Variants in CC2D2A observed in about 807,000 individuals in gnomAD.
CC2D2A encodes coiled-coil and C2 domain-containing protein 2A.
In CC2D2A, 155 loss-of-function variants were observed where a neutral mutation model predicts 212.9. The ratio of observed to expected loss-of-function variants is 0.73; its 90% CI spans 0.64 to 0.83. The LOEUF is 0.83. Ranked by LOEUF, CC2D2A falls within the 40% of genes least tolerant of loss-of-function variation. The probability of loss-of-function intolerance (pLI) is 0.00; values close to 1 mark genes in which losing one functional copy is unlikely to be tolerated. For missense variants in CC2D2A, 1,856 were observed against 1,956.2 expected (o/e 0.95, Z 0.97); for synonymous variants, 667 against 686.5 (o/e 0.97, Z 0.44).
At chr4:15,582,403 A>T (rs900058720) in intron 30 of CC2D2A, among the ~76,000 whole-genome samples, 5 of 152,152 alleles carry the variant, frequency 3.3e-5, no homozygotes, top group African/African-American at 4.8e-5. Flanking sequence ...AATGCAAAAG[A>T]TCAATGCAAC....
chr4:15,583,659 C>G (rs1034760678), intron 30 of CC2D2A, among the ~76,000 whole-genome samples: 7 of 152,076 alleles, frequency 4.6e-5, no homozygotes, highest in Non-Finnish European at 8.8e-5. Context: ...ATGAAAATTA[C>G]AAACACTGGG....
chr4:15,569,258 A>G (rs919878727), intron 26 of CC2D2A, 35 bp from the exon 27 acceptor site: 4 of 1,231,468 alleles, frequency 3.2e-6, no homozygotes, highest in East Asian at 2.5e-5. Flanking sequence ...TATGTTGCCT[A>G]TTTTCACAGT....
intron 8 of CC2D2A, among the ~76,000 whole-genome samples, chr4:15,512,367 A>T (rs1174110737): frequency 6.6e-6 from 1 of 152,252 alleles, no homozygotes; most frequent in Non-Finnish European, 1.5e-5. Context: ...AATATTATAC[A>T]ACCGCAGAAA....
chr4:15,477,823 G>A (rs1203935227), intron 2 of CC2D2A, among the ~76,000 whole-genome samples: 1 of 152,154 alleles, frequency 6.6e-6, no homozygotes, highest in African/African-American at 2.4e-5. Context: ...CCTAACCCCA[G>A]TGGCCAAGGG....
intron 4 of CC2D2A, among the ~76,000 whole-genome samples, chr4:15,492,343 A>G (rs1020537060): frequency 6.6e-6 from 1 of 152,142 alleles, no homozygotes; most frequent in Non-Finnish European, 1.5e-5. Flanking sequence ...AGAATATTGC[A>G]GTAGCCTCCT....
chr4:15,514,597 A>C (rs1053264626), intron 8 of CC2D2A, 110 bp from the exon 9 acceptor site: 1 of 835,038 alleles, frequency 1.2e-6, no homozygotes, highest in African/African-American at 1.7e-5. Context: ...AAAAAAGGAA[A>C]AGATAAAGTT....
In CC2D2A at chr4:15,541,095, T is replaced by G. The variant is rs186328964; in HGVS notation, c.2181+81T>G. 3.7e-5 allele frequency: 43 copies of G among 1,167,420 alleles called. No individual in the cohort carries two copies. The African/African-American group carries it at 5.6e-4, about 15-fold the overall frequency. The allele number at this position is 1,167,420 out of a possible 1,614,324, so 72.3% of individuals were successfully genotyped here. A position where few individuals can be genotyped will look rare whatever the true frequency, so the allele number is the denominator to read the frequency against. Reference sequence around the variant, plus strand: ...GGGAGGCCAAGGTGGGCAGATCACTTAAGGCCAGGAGTTCGAGACCAGCCT... The same window carrying G: ...GGGAGGCCAAGGTGGGCAGATCACTGAAGGCCAGGAGTTCGAGACCAGCCT... On this transcript the variant is annotated intron_variant, in intron 17 of 36. Coordinates refer to ENST00000424120, the MANE Select transcript of CC2D2A (RefSeq NM_001378615.1).
In CC2D2A at chr4:15,601,298, A is replaced by G. The variant is rs2148497426; in HGVS notation, c.4736A>G (p.Tyr1579Cys). Residue 1579 changes from tyrosine (Y) to cysteine (C), a missense_variant, in exon 37 of 37, where the codon TAT becomes TGT. This residue lies in a region of CC2D2A where 285 missense variants were observed against 278.4 expected (regional missense o/e 1.02). Transcript: ENST00000424120. ...SEVKPLIDAV[Y>C]STGVHNIDVP... ...GTGAAGCCTTTAATTGACGCTGTGTATAGTACTGGAGTACATAATATTGAT... is the reference window on the plus strand; with the variant it reads ...GTGAAGCCTTTAATTGACGCTGTGTGTAGTACTGGAGTACATAATATTGAT... The G allele has an allele frequency of 6.2e-7, 1 of 1,612,762 alleles. No individual in the cohort carries two copies. The highest frequency in any genetic ancestry group is 1.1e-5 in the South Asian group (1 of 90,934).
In CC2D2A at chr4:15,511,303, T is replaced by G; in HGVS notation, c.597T>G (p.Phe199Leu). Residue 199 changes from phenylalanine to leucine, a missense_variant, in exon 8 of 37, where the codon TTT becomes TTG. This residue lies in a region of CC2D2A where 1,512 missense variants were observed against 1,579.3 expected (regional missense o/e 0.96). Coordinates refer to ENST00000424120, the MANE Select transcript of CC2D2A (RefSeq NM_001378615.1). ...EEAYNFFTFN[F>L]DPEPEGSEEK... ...CCTATAACTTCTTTACTTTCAACTTTGATCCCGAACCAGAAGGATCAGAGG... is the reference window on the plus strand; with the variant it reads ...CCTATAACTTCTTTACTTTCAACTTGGATCCCGAACCAGAAGGATCAGAGG... The G allele has an allele frequency of 6.2e-7, 1 of 1,601,696 alleles. No homozygotes were observed.
At chr4:15,516,231 G>A (rs1185848993) in intron 10 of CC2D2A, among the ~76,000 whole-genome samples, 1 of 151,856 alleles carries the variant, frequency 6.6e-6, no homozygotes, top group Non-Finnish European at 1.5e-5. Flanking sequence ...GCTAGATCTG[G>A]GCTTTTCCTG....
intron 17 of CC2D2A, chr4:15,550,592 C>G: frequency 2.8e-6 from 1 of 361,152 alleles, no homozygotes; most frequent in Non-Finnish European, 5.0e-6. Flanking sequence ...GCCTCCCTAC[C>G]CAGAAGATTA....
chr4:15,601,351 G>A lies in CC2D2A; in HGVS notation c.4789G>A (p.Val1597Ile). ...TCCTAATGTTGAATTTGCTTTAGCT[G>A]TATACATACACCCATACCCCAAAAA... is the stretch of plus-strand genomic sequence containing the variant. Reference protein sequence around the residue: ...DVPNVEFALAVYIHPYPKNVL... With the variant: ...DVPNVEFALAIYIHPYPKNVL... Residue 1597 changes from valine (V) to isoleucine (I), a missense_variant, in exon 37 of 37, where the codon GTA becomes ATA. This residue lies in a region of CC2D2A where 285 missense variants were observed against 278.4 expected (regional missense o/e 1.02). Transcript: ENST00000424120. 1 of 1,607,948 alleles carries A rather than the reference G, an allele frequency of 6.2e-7. No individual in the cohort carries two copies. The highest frequency in any genetic ancestry group is 1.3e-5 in the African/African-American group (1 of 74,964).
At position 15,597,169 on chromosome 4, in the gene CC2D2A, G is replaced by C. The variant is rs151245804; in HGVS notation, c.4438-238G>C. On this transcript the variant is annotated intron_variant, in intron 34 of 36. Transcript: ENST00000424120. Reference sequence around the variant, plus strand: ...CAATCAGTACTTGTTGAATGAAGGGGTGTTAAAACAAATTCAGGTCATGGT... The same window carrying C: ...CAATCAGTACTTGTTGAATGAAGGGCTGTTAAAACAAATTCAGGTCATGGT... Among the ~76,000 whole-genome samples, 381 of 152,244 alleles carry C rather than the reference G, an allele frequency of 2.5e-3. 2 individuals carry two copies. Among genetic ancestry groups the C allele is most frequent in the African/African-American group, 8.8e-3 (366 of 41,554 alleles).
intron 35 of CC2D2A, among the ~76,000 whole-genome samples, chr4:15,598,229 T>C (rs1344303137): frequency 6.6e-6 from 1 of 152,166 alleles, no homozygotes; most frequent in East Asian, 1.9e-4. Context: ...TGCCTGACAA[T>C]TCGTCCATAC....
intron 4 of CC2D2A, among the ~76,000 whole-genome samples, chr4:15,495,585 AG>A (rs1332101704): frequency 1.3e-5 from 2 of 152,178 alleles, no homozygotes; most frequent in African/African-American, 2.4e-5. Context: ...ATGGCTATGT[AG>A]TATCCCATGG....
At position 15,537,007 on chromosome 4, in the gene CC2D2A, G is replaced by A. The variant is rs754175491; in HGVS notation, c.1695G>A (p.Glu565=). 1.2e-6 allele frequency: 2 copies of A among 1,613,644 alleles called. No individual in the cohort carries two copies. The highest frequency in any genetic ancestry group is 1.7e-5 in the Admixed American group (1 of 60,008). ...EISELLEEHT[E]EYAQKMEEYR... Reference sequence around the variant, plus strand: ...GTGAACTGTTAGAAGAGCACACGGAGGAGTACGCACAGAAGATGGAAGAAT... The same window carrying A: ...GTGAACTGTTAGAAGAGCACACGGAAGAGTACGCACAGAAGATGGAAGAAT... Residue 565 remains glutamate (E), a synonymous_variant, in exon 15 of 37, where the codon GAG becomes GAA. Transcript: ENST00000424120.
At chr4:15,553,338 T>A (rs1327437226) in intron 19 of CC2D2A, 33 bp downstream of exon 19, 1 of 1,605,934 alleles carries the variant, frequency 6.2e-7, no homozygotes, top group South Asian at 1.1e-5. Context: ...TGATGAGCAA[T>A]GTCAGTGTTA....
chr4:15,497,513 A>C (rs987065366), intron 4 of CC2D2A, among the ~76,000 whole-genome samples: 2 of 152,208 alleles, frequency 1.3e-5, no homozygotes, highest in Non-Finnish European at 2.9e-5. Context: ...TTCTCCTTGC[A>C]TATTTTTAAG....
intron 32 of CC2D2A, 129 bp downstream of exon 32, chr4:15,588,058 C>A: frequency 3.6e-6 from 2 of 557,778 alleles, no homozygotes. Flanking sequence ...CCACAGATGC[C>A]GTAACGGGCA....
Sources: allele counts gnomAD v4.1 joint callset (sites outside exome capture counted in the v4.1 genomes callset), GRCh38; gene constraint gnomAD v4.1.1; regional missense constraint gnomAD v4.1.1; transcripts MANE v1.5; gene names NCBI Gene and HGNC (gene_info 2026-07-23, HGNC 2026-07-21).